SLC44A5: variants seen among roughly 807,000 people sequenced by gnomAD.
SLC44A5 encodes choline transporter-like protein 5.
In SLC44A5, 57 loss-of-function variants were observed where a neutral mutation model predicts 101.8. The observed-to-expected ratio is 0.56, with a 90% CI of 0.45 to 0.70. SLC44A5 has a LOEUF of 0.70. Ranked by LOEUF, SLC44A5 falls within the 30% of genes least tolerant of loss-of-function variation. The probability of loss-of-function intolerance (pLI) is 0.00; values close to 1 mark genes in which losing one functional copy is unlikely to be tolerated. For synonymous variants in SLC44A5, 281 were observed against 290.9 expected (o/e 0.97, Z 0.35); for missense variants, 737 against 853.1 (o/e 0.86, Z 1.70).
At chr1:75,477,578 C>A (rs1481216651) in intron 2 of SLC44A5, among the ~76,000 whole-genome samples, 1 of 152,092 alleles carries the variant, frequency 6.6e-6, no homozygotes, top group East Asian at 1.9e-4. Context: ...GAGCTGAAAA[C>A]CAAGGCTCGA....
the SLC44A5 span, among the ~76,000 whole-genome samples, chr1:75,679,709 A>C: frequency 1.3e-5 from 2 of 151,404 alleles, no homozygotes; most frequent in South Asian, 2.1e-4. Context: ...ATCAACTAAC[A>C]AGCAAAATAA....
At chr1:75,679,637 G>A in the SLC44A5 span, among the ~76,000 whole-genome samples, 3 of 151,910 alleles carry the variant, frequency 2.0e-5, no homozygotes, top group East Asian at 5.8e-4. Flanking sequence ...AGGAACAACT[G>A]GTACCAGCCG....
chr1:75,524,720 A>G (rs1488722687), intron 2 of SLC44A5, among the ~76,000 whole-genome samples: 1 of 152,190 alleles, frequency 6.6e-6, no homozygotes, highest in Non-Finnish European at 1.5e-5. Flanking sequence ...AAAATATTTT[A>G]AAGGATATTT....
At chr1:75,454,366 C>A (rs909831210) in intron 2 of SLC44A5, among the ~76,000 whole-genome samples, 1 of 151,976 alleles carries the variant, frequency 6.6e-6, no homozygotes. Context: ...ATGATTAAAA[C>A]CCTTAAGAAA....
chr1:75,699,950 A>T, the SLC44A5 span, among the ~76,000 whole-genome samples: 11 of 152,112 alleles, frequency 7.2e-5, no homozygotes, highest in African/African-American at 2.7e-4. Flanking sequence ...CAACAAGAAG[A>T]GCTAACTATC....
At chr1:75,208,324 AAT>A (rs1173575028) in intron 23 of SLC44A5, among the ~76,000 whole-genome samples, 1 of 152,036 alleles carries the variant, frequency 6.6e-6, no homozygotes, top group African/African-American at 2.4e-5. Context: ...ATGCCTGGCT[AAT>A]TTTTGTATTA....
the SLC44A5 span, among the ~76,000 whole-genome samples, chr1:75,711,192 AGG>A: frequency 1.3e-5 from 2 of 152,104 alleles, no homozygotes; most frequent in South Asian, 2.1e-4. Flanking sequence ...CAGACTGCAT[AGG>A]CCTTGACCCA....
chr1:75,682,374 C>G, the SLC44A5 span, among the ~76,000 whole-genome samples: 1 of 151,846 alleles, frequency 6.6e-6, no homozygotes, highest in Non-Finnish European at 1.5e-5. Flanking sequence ...GCTACAGTAA[C>G]CAAAACAGCA....
intron 1 of SLC44A5, among the ~76,000 whole-genome samples, chr1:75,573,832 A>G (rs1477829156): frequency 6.6e-6 from 1 of 152,080 alleles, no homozygotes; most frequent in African/African-American, 2.4e-5. Flanking sequence ...TCCTCCTCCT[A>G]TGGGAGTTTT....
intron 2 of SLC44A5, among the ~76,000 whole-genome samples, chr1:75,437,474 C>A (rs912780516): frequency 7.9e-5 from 12 of 152,120 alleles, no homozygotes; most frequent in Non-Finnish European, 1.6e-4. Context: ...TCATTTGCCT[C>A]TATCCTGACT....
chr1:75,348,998 G>A (rs1570740107), intron 3 of SLC44A5, among the ~76,000 whole-genome samples: 1 of 152,126 alleles, frequency 6.6e-6, no homozygotes. Context: ...TAGAAAGTAA[G>A]TCAACATAAA....
intron 1 of SLC44A5, among the ~76,000 whole-genome samples, chr1:75,551,403 C>T (rs964641164): frequency 6.6e-6 from 1 of 152,222 alleles, no homozygotes; most frequent in East Asian, 1.9e-4. Context: ...ATCCAACTCA[C>T]TTTCTTCTAA....
intron 5 of SLC44A5, among the ~76,000 whole-genome samples, chr1:75,291,825 C>T (rs964810531): frequency 1.3e-5 from 2 of 151,952 alleles, no homozygotes. Context: ...TCCTGGCTAA[C>T]ATGGTGAAAC....
At chr1:75,356,055 A>G (rs1344679228) in intron 3 of SLC44A5, among the ~76,000 whole-genome samples, 1 of 151,760 alleles carries the variant, frequency 6.6e-6, no homozygotes, top group Non-Finnish European at 1.5e-5. Context: ...CTACAAAAAA[A>G]TACAGAAATT....
chr1:75,292,854 T>G (rs1653672786), intron 5 of SLC44A5, among the ~76,000 whole-genome samples: 3 of 152,240 alleles, frequency 2.0e-5, no homozygotes, highest in Admixed American at 2.0e-4. Context: ...TTATTCCTCA[T>G]TTATTGTTTT....
the SLC44A5 span, among the ~76,000 whole-genome samples, chr1:75,659,162 C>T: frequency 1.3e-5 from 2 of 151,530 alleles, no homozygotes; most frequent in Admixed American, 6.6e-5. Context: ...AGTCCAGGAC[C>T]TGATGGCTTC....
intron 2 of SLC44A5, among the ~76,000 whole-genome samples, chr1:75,403,076 T>C (rs1044223987): frequency 1.3e-5 from 2 of 152,126 alleles, no homozygotes. Context: ...AACAAAGCTG[T>C]TGAGAAGTTC....
rs1647044024 is a variant in SLC44A5 at position 75,219,964 on chromosome 1, GA to G, written c.1086-73del. ...AAGCTTTAGACTGAATTGATTCTAA[GA>G]AAACTGGTAATAACCACGGACTCTT... On this transcript the variant is annotated intron_variant, in intron 14 of 23. Coordinates refer to ENST00000370859, the MANE Select transcript of SLC44A5 (RefSeq NM_001130058.2). 5.4e-6 allele frequency: 5 copies of G among 919,258 alleles called. No individual in the cohort carries two copies. In the South Asian group the frequency reaches 7.6e-5, roughly 14 times the overall value. 56.9% of individuals were successfully genotyped at this position (919,258 alleles called of 1,614,324 possible). A position where few individuals can be genotyped will look rare whatever the true frequency, so the allele number is the denominator to read the frequency against.
At chr1:75,333,928 A>T (rs1027073971) in intron 4 of SLC44A5, among the ~76,000 whole-genome samples, 1 of 152,142 alleles carries the variant, frequency 6.6e-6, no homozygotes, top group African/African-American at 2.4e-5. Flanking sequence ...CATTCCTCAA[A>T]CATTCTAAAC....
Sources: allele counts gnomAD v4.1 joint callset (sites outside exome capture counted in the v4.1 genomes callset), GRCh38; gene constraint gnomAD v4.1.1; transcripts MANE v1.5; gene names NCBI Gene and HGNC (gene_info 2026-07-23, HGNC 2026-07-21).